TRIM2: variants seen among roughly 807,000 people sequenced by gnomAD.
TRIM2 encodes the protein tripartite motif-containing protein 2.
In TRIM2, 20 loss-of-function variants were observed where a neutral mutation model predicts 75.2. That is an observed-to-expected ratio of 0.27 (90% CI 0.19 to 0.39). The LOEUF (loss-of-function observed/expected upper bound fraction) is 0.39. Ranked by LOEUF, TRIM2 falls within the 10% of genes least tolerant of loss-of-function variation. TRIM2 has a pLI of 1.00. For synonymous variants in TRIM2, 373 were observed against 388.3 expected (o/e 0.96, Z 0.46); for missense variants, 660 against 990.8 (o/e 0.67, Z 4.48).
At chr4:153,292,938 A>C (rs762200301) in intron 3 of TRIM2, 44 bp from the exon 4 acceptor site, 1 of 1,534,810 alleles carries the variant, frequency 6.5e-7, no homozygotes, top group Non-Finnish European at 8.8e-7. Flanking sequence ...GTAAGCCCTC[A>C]ACCCATGGCC....
chr4:153,175,382 C>T (rs1731319106), intron 1 of TRIM2, among the ~76,000 whole-genome samples: 1 of 151,996 alleles, frequency 6.6e-6, no homozygotes, highest in Non-Finnish European at 1.5e-5. Flanking sequence ...AAGTGATGTG[C>T]ACAGCCGGAT....
At chr4:153,320,327 G>C (rs1768653922) in intron 8 of TRIM2, among the ~76,000 whole-genome samples, 1 of 152,106 alleles carries the variant, frequency 6.6e-6, no homozygotes, top group South Asian at 2.1e-4. Flanking sequence ...AGAATAAAAG[G>C]AGCATATAAA....
chr4:153,327,535 A>G (rs1418236492), intron 10 of TRIM2, among the ~76,000 whole-genome samples: 2 of 152,248 alleles, frequency 1.3e-5, no homozygotes, highest in Non-Finnish European at 2.9e-5. Flanking sequence ...ATTTCTATGC[A>G]TCTAGGCATC....
chr4:153,317,572 C>A (rs1767952183), intron 8 of TRIM2, among the ~76,000 whole-genome samples: 1 of 151,782 alleles, frequency 6.6e-6, no homozygotes, highest in Non-Finnish European at 1.5e-5. Flanking sequence ...TGGTGTGAAC[C>A]CCGGGAGGCG....
upstream of TRIM2, among the ~76,000 whole-genome samples, chr4:153,201,819 A>G (rs1268179198): frequency 6.6e-6 from 1 of 152,210 alleles, no homozygotes; most frequent in African/African-American, 2.4e-5. Context: ...AACACTTGTG[A>G]AGGCTATGTC....
intron 6 of TRIM2, 108 bp downstream of exon 6, chr4:153,296,144 G>C: frequency 7.3e-7 from 1 of 1,362,554 alleles, no homozygotes; most frequent in Non-Finnish European, 9.7e-7. Context: ...TCTACCTGCA[G>C]GTGTTAGGAG....
At chr4:153,195,248 G>C (rs1045031987) in intron 1 of TRIM2, among the ~76,000 whole-genome samples, 1 of 152,116 alleles carries the variant, frequency 6.6e-6, no homozygotes, top group South Asian at 2.1e-4. Context: ...GCTAGGCACG[G>C]TGGCTGAGGC....
chr4:153,231,596 G>C (rs1338428104), intron 1 of TRIM2, among the ~76,000 whole-genome samples: 2 of 152,114 alleles, frequency 1.3e-5, no homozygotes, highest in Non-Finnish European at 2.9e-5. Context: ...AAATAAGGAG[G>C]TGGAATCAAA....
At chr4:153,163,229 A>G (rs1729919537) in intron 1 of TRIM2, among the ~76,000 whole-genome samples, 1 of 152,254 alleles carries the variant, frequency 6.6e-6, no homozygotes, top group African/African-American at 2.4e-5. Context: ...TCTGTTGCCC[A>G]GGCTGGAGTG....
intron 6 of TRIM2, chr4:153,307,757 G>A (rs530130333): frequency 8.3e-5 from 56 of 671,908 alleles, no homozygotes; most frequent in African/African-American, 8.3e-4. Flanking sequence ...GTGCTGTGTC[G>A]GACTTCAGCC....
intron 1 of TRIM2, among the ~76,000 whole-genome samples, chr4:153,223,834 A>T (rs1007057521): frequency 2.0e-4 from 30 of 152,284 alleles, no homozygotes; most frequent in Non-Finnish European, 4.1e-4. Context: ...TTAAAGAGTT[A>T]ATTTTAGAGC....
intron 3 of TRIM2, among the ~76,000 whole-genome samples, chr4:153,278,180 A>G (rs1005837155): frequency 6.6e-6 from 1 of 152,188 alleles, no homozygotes; most frequent in African/African-American, 2.4e-5. Flanking sequence ...ATCATGGCTC[A>G]CTGAAGCCTC....
chr4:153,247,923 G>T (rs1379581524), intron 1 of TRIM2, among the ~76,000 whole-genome samples: 1 of 151,162 alleles, frequency 6.6e-6, no homozygotes, highest in African/African-American at 2.4e-5. Context: ...CATAAATCTA[G>T]TAGTGGCCAT....
At chr4:153,271,486 T>C (rs1433861325) in intron 2 of TRIM2, among the ~76,000 whole-genome samples, 1 of 152,220 alleles carries the variant, frequency 6.6e-6, no homozygotes, top group Non-Finnish European at 1.5e-5. Context: ...AATAACCATA[T>C]CCTTCATGGT....
At chr4:153,305,606 A>C (rs1764804371) in intron 6 of TRIM2, among the ~76,000 whole-genome samples, 1 of 152,218 alleles carries the variant, frequency 6.6e-6, no homozygotes, top group African/African-American at 2.4e-5. Flanking sequence ...CTGCATCATA[A>C]TATGGTGGAA....
Position 153,270,427 on chromosome 4 carries a change from C to T in TRIM2, c.123C>T (p.Arg41=). 6.2e-7 allele frequency: 1 copy of T among 1,613,944 alleles called. No individual in the cohort carries two copies. Among genetic ancestry groups the T allele is most frequent in the South Asian group, 1.1e-5 (1 of 91,022 alleles). The part of the protein sequence containing the change: ...EGTNIPSPVV[R]QIDKQFLICS... ...CCAACATCCCAAGTCCTGTGGTGCG[C>T]CAGATTGACAAGCAGTTTCTGATTT... The change falls in exon 2 of 12, where the codon CGC becomes CGT. Residue 41 remains arginine, a synonymous_variant. Coordinates refer to ENST00000338700, the MANE Select transcript of TRIM2 (RefSeq NM_015271.5).
intron 11 of TRIM2, among the ~76,000 whole-genome samples, chr4:153,330,143 A>G (rs973326636): frequency 6.6e-6 from 1 of 152,222 alleles, no homozygotes; most frequent in African/African-American, 2.4e-5. Flanking sequence ...GAATAGCCCT[A>G]TAACTATTAA....
rs72414117 is a variant in TRIM2 at position 153,273,270 on chromosome 4, C to CTTTTTTTTTTTTTTTTTTT, written c.216-2618_216-2600dup. On this transcript the variant is annotated intron_variant, in intron 2 of 11. Transcript: ENST00000338700. ...ACTCAGTGAGCACCTTACAGTCACTCTTTTTTTTTTTTTTTTTTTTTTTGA... is the reference window on the plus strand; with the variant it reads ...ACTCAGTGAGCACCTTACAGTCACTCTTTTTTTTTTTTTTTTTTTTTTTTTTTTTTTTTTTTTTTTTTGA... 4.1e-3 allele frequency among the ~76,000 whole-genome samples: 233 copies of CTTTTTTTTTTTTTTTTTTT among 57,384 alleles called. 43 individuals are homozygous for CTTTTTTTTTTTTTTTTTTT. Among genetic ancestry groups the CTTTTTTTTTTTTTTTTTTT allele is most frequent in the Non-Finnish European group, 4.7e-3 (146 of 31,292 alleles). The allele number at this position is 57,384 out of a possible 152,430, so 37.6% of individuals were successfully genotyped here. A position where few individuals can be genotyped will look rare whatever the true frequency, so the allele number is the denominator to read the frequency against.
chr4:153,329,951 AGACT>A (rs1168835756), intron 11 of TRIM2, among the ~76,000 whole-genome samples: 1 of 152,178 alleles, frequency 6.6e-6, no homozygotes, highest in African/African-American at 2.4e-5. Flanking sequence ...AACCCTAGCA[AGACT>A]GACAAAGGAA....
Sources: allele counts gnomAD v4.1 joint callset (sites outside exome capture counted in the v4.1 genomes callset), GRCh38; gene constraint gnomAD v4.1.1; transcripts MANE v1.5; gene names NCBI Gene and HGNC (gene_info 2026-07-23, HGNC 2026-07-21).